CNKSR3: variants seen among roughly 807,000 people sequenced by gnomAD.
CNKSR3 encodes the protein CNKSR family member 3.
In CNKSR3, 36 loss-of-function variants were observed where a neutral mutation model predicts 67.7. The ratio of observed to expected loss-of-function variants is 0.53; its 90% CI spans 0.41 to 0.70. The LOEUF (loss-of-function observed/expected upper bound fraction) is 0.70, where lower values mean the gene tolerates loss of function less well. Among genes scored for constraint, CNKSR3 ranks in the 30% least tolerant of loss-of-function variants. The pLI, the probability that CNKSR3 is intolerant of heterozygous loss-of-function variation, is 0.00. For synonymous variants in CNKSR3, 281 were observed against 271.4 expected (o/e 1.04, Z -0.35); for missense variants, 630 against 695.2 (o/e 0.91, Z 1.05).
In CNKSR3 at chr6:154,463,430, G is replaced by A. The variant is rs189815863; in HGVS notation, c.53-13172C>T. On this transcript the variant is annotated intron_variant, in intron 1 of 12. Coordinates refer to ENST00000607772, the MANE Select transcript of CNKSR3 (RefSeq NM_173515.4). ...TTTATTATGCAACCCACTGGCACAT[G>A]GGCTGGGGGTATTCACCGTGGGAAA... 9.3e-3 allele frequency among the ~76,000 whole-genome samples: 1,343 copies of A among 144,792 alleles called. 8 individuals are homozygous for A. Among genetic ancestry groups the A allele is most frequent in the Non-Finnish European group, 0.015 (1,027 of 67,034 alleles). 95.0% of individuals were successfully genotyped at this position (144,792 alleles called of 152,430 possible).
intron 5 of CNKSR3, among the ~76,000 whole-genome samples, chr6:154,432,134 A>C (rs1785380543): frequency 6.6e-6 from 1 of 152,218 alleles, no homozygotes; most frequent in South Asian, 2.1e-4. Context: ...GCAATTAACG[A>C]GCGTTCCTGT....
intron 4 of CNKSR3, among the ~76,000 whole-genome samples, chr6:154,434,824 T>A (rs1486243984): frequency 6.6e-6 from 1 of 152,224 alleles, no homozygotes; most frequent in Non-Finnish European, 1.5e-5. Flanking sequence ...AATTCTATCT[T>A]GTAGATAAAA....
At chr6:154,426,346 T>A (rs996070258) in intron 7 of CNKSR3, among the ~76,000 whole-genome samples, 1 of 147,868 alleles carries the variant, frequency 6.8e-6, no homozygotes, top group African/African-American at 2.5e-5. Flanking sequence ...CATTGAACTC[T>A]TTTATTTATT....
chr6:154,462,478 T>G (rs1476238288), intron 1 of CNKSR3, among the ~76,000 whole-genome samples: 8 of 152,222 alleles, frequency 5.3e-5, no homozygotes, highest in Non-Finnish European at 7.3e-5. Context: ...CCTTAAAGCC[T>G]TCTTAATGCA....
chr6:154,412,170 C>T (rs775197564), intron 10 of CNKSR3, among the ~76,000 whole-genome samples: 1 of 152,202 alleles, frequency 6.6e-6, no homozygotes, highest in Non-Finnish European at 1.5e-5. Context: ...GTGGTATTCC[C>T]AGGTGGGATG....
intron 2 of CNKSR3, 118 bp from the exon 3 acceptor site, chr6:154,442,408 G>GGCGGA: frequency 1.3e-6 from 1 of 783,480 alleles, no homozygotes; most frequent in East Asian, 2.6e-5. Context: ...GGATCACGAG[G>GGCGGA]TCAGGAGATC....
At chr6:154,419,944 G>C (rs1168618008) in intron 9 of CNKSR3, among the ~76,000 whole-genome samples, 1 of 152,104 alleles carries the variant, frequency 6.6e-6, no homozygotes, top group Non-Finnish European at 1.5e-5. Context: ...GCTGGGCGTA[G>C]TGGCGGGCAC....
chr6:154,441,303 T>C lies in CNKSR3; in HGVS notation c.496A>G (p.Thr166Ala), dbSNP rs1352902364. 2.5e-6 allele frequency: 4 copies of C among 1,595,488 alleles called. No individual in the cohort carries two copies. Among genetic ancestry groups the C allele is most frequent in the African/African-American group, 1.4e-5 (1 of 73,200 alleles). ...IIQLCLDLTT[T>A]VQKDCFVAEM... is the part of the protein sequence containing the mutation. The stretch of plus-strand genomic sequence containing the variant: ...GACATACTACTGACCTTCTGGACTG[T>C]AGTGGTCAGGTCCAAGCAAAGCTGG... The change falls in exon 4 of 13, where the codon ACA (threonine) becomes GCA (alanine). Residue 166 changes from threonine to alanine, a missense_variant. This residue lies in a region of CNKSR3 where 189 missense variants were observed against 205.0 expected (regional missense o/e 0.92). Coordinates refer to ENST00000607772, the MANE Select transcript of CNKSR3 (RefSeq NM_173515.4).
At position 154,411,065 on chromosome 6, in the gene CNKSR3, GACT is replaced by G; in HGVS notation, c.1145_1147del (p.Glu382_Ser383delinsAla). On this transcript the variant is annotated inframe_deletion, in exon 11 of 13. Transcript: ENST00000607772. ...TTCCTGGTCCAAGAAGGAATTCGGG[GACT>G]CTGAACCCTTAGGACCAGGCAATGG... 1 of 1,614,068 alleles carries G rather than the reference GACT, an allele frequency of 6.2e-7. No homozygotes were observed. The highest frequency in any genetic ancestry group is 8.5e-7 in the Non-Finnish European group (1 of 1,179,964).
chr6:154,476,584 C>G (rs1786457220), intron 1 of CNKSR3, among the ~76,000 whole-genome samples: 1 of 152,026 alleles, frequency 6.6e-6, no homozygotes, highest in African/African-American at 2.4e-5. Flanking sequence ...AAAGAGGAGC[C>G]AGTGTGTGTT....
intron 7 of CNKSR3, 94 bp from the exon 8 acceptor site, chr6:154,423,077 T>G (rs1221780351): frequency 3.7e-6 from 3 of 802,298 alleles, no homozygotes; most frequent in African/African-American, 3.5e-5. Context: ...AATTAGCAAC[T>G]GAAATAACAT....
intron 1 of CNKSR3, among the ~76,000 whole-genome samples, chr6:154,477,862 A>C (rs1182256712): frequency 6.6e-6 from 1 of 152,184 alleles, no homozygotes; most frequent in Non-Finnish European, 1.5e-5. Context: ...CCCCTGATTT[A>C]GACCTTCAGT....
At position 154,389,511 on chromosome 6, in the gene CNKSR3, A is replaced by G. The variant is rs1458232759; in HGVS notation, c.*16843T>C. The G allele has an allele frequency of 6.6e-6, 1 of 152,196 alleles. No individual in the cohort carries two copies. Among genetic ancestry groups the G allele is most frequent in the East Asian group, 1.9e-4 (1 of 5,202 alleles). The allele number at this position is 152,196 out of a possible 1,614,324, so 9.4% of individuals were successfully genotyped here. ...ACTGTAGTTTTGTTATACATTCTGA[A>G]ATCAAGCAATGTGATGCCTCTATCT... On this transcript the variant is annotated 3_prime_UTR_variant, in exon 13 of 13. Coordinates refer to ENST00000607772, the MANE Select transcript of CNKSR3 (RefSeq NM_173515.4).
At chr6:154,432,679 G>A (rs1375392525) in intron 5 of CNKSR3, among the ~76,000 whole-genome samples, 1 of 152,144 alleles carries the variant, frequency 6.6e-6, no homozygotes, top group Non-Finnish European at 1.5e-5. Flanking sequence ...TCTTTTTAGT[G>A]ATCACTCACA....
In CNKSR3 at chr6:154,462,235, TC is replaced by T. The variant is rs557411989; in HGVS notation, c.53-11978del. 5.0e-3 allele frequency among the ~76,000 whole-genome samples: 674 copies of T among 134,142 alleles called. 3 individuals are homozygous for T. Among genetic ancestry groups the T allele is most frequent in the Non-Finnish European group, 7.6e-3 (476 of 62,498 alleles). 88.0% of individuals were successfully genotyped at this position (134,142 alleles called of 152,430 possible). A position where few individuals can be genotyped will look rare whatever the true frequency, so the allele number is the denominator to read the frequency against. On this transcript the variant is annotated intron_variant, in intron 1 of 12. Transcript: ENST00000607772. ...AAATTCTGTACCCATTAGAAGTCCC[TC>T]CCCCCGAAATTATACAATAACGTTG... is the stretch of plus-strand genomic sequence containing the variant.
intron 1 of CNKSR3, among the ~76,000 whole-genome samples, chr6:154,487,789 C>G (rs544694488): frequency 1.3e-5 from 2 of 152,336 alleles, no homozygotes; most frequent in South Asian, 4.1e-4. Context: ...CTGATTCCAA[C>G]TTTGTTGGAC....
intron 9 of CNKSR3, among the ~76,000 whole-genome samples, chr6:154,417,619 A>G (rs1785049682): frequency 6.6e-6 from 1 of 152,136 alleles, no homozygotes; most frequent in South Asian, 2.1e-4. Flanking sequence ...CCAGAATGTG[A>G]CTGTATTAGG....
At position 154,390,169 on chromosome 6, in the gene CNKSR3, A is replaced by G. The variant is rs1234006217; in HGVS notation, c.*16185T>C. On this transcript the variant is annotated 3_prime_UTR_variant, in exon 13 of 13. Coordinates refer to ENST00000607772, the MANE Select transcript of CNKSR3 (RefSeq NM_173515.4). Reference sequence around the variant, plus strand: ...TCACAAATCTTGTATGCTTCCCCACATTTTCTCAGCACCACCTACGTCTTA... The same window carrying G: ...TCACAAATCTTGTATGCTTCCCCACGTTTTCTCAGCACCACCTACGTCTTA... 6.6e-6 allele frequency: 1 copy of G among 152,008 alleles called. No individual in the cohort carries two copies. Among genetic ancestry groups the G allele is most frequent in the Non-Finnish European group, 1.5e-5 (1 of 68,044 alleles). The allele number at this position is 152,008 out of a possible 1,614,324, so 9.4% of individuals were successfully genotyped here.
chr6:154,506,263 A>C (rs895315330), intron 1 of CNKSR3, among the ~76,000 whole-genome samples: 1 of 152,228 alleles, frequency 6.6e-6, no homozygotes, highest in African/African-American at 2.4e-5. Flanking sequence ...GAAAAAGCAA[A>C]AAAGGAAGAA....
Sources: allele counts gnomAD v4.1 joint callset (sites outside exome capture counted in the v4.1 genomes callset), GRCh38; gene constraint gnomAD v4.1.1; regional missense constraint gnomAD v4.1.1; transcripts MANE v1.5; gene names NCBI Gene and HGNC (gene_info 2026-07-23, HGNC 2026-07-21).